The following FOXP2 variants were observed in gnomAD, a reference collection of about 807,000 sequenced individuals.
FOXP2 encodes forkhead box protein P2.
FOXP2 carries 12 observed loss-of-function variants against 115.8 expected under a neutral mutation model. That is an observed-to-expected ratio of 0.10 (90% CI 0.07 to 0.17). FOXP2 has a LOEUF of 0.17. Among genes scored for constraint, FOXP2 ranks in the 10% least tolerant of loss-of-function variants. FOXP2 has a pLI of 1.00. For synonymous variants in FOXP2, 328 were observed against 297.7 expected (o/e 1.10, Z -1.05); for missense variants, 629 against 843.5 (o/e 0.75, Z 3.15).
chr7:114,426,982 T>G (rs1354428051), intron 2 of FOXP2, among the ~76,000 whole-genome samples: 2 of 151,642 alleles, frequency 1.3e-5, no homozygotes, highest in African/African-American at 4.8e-5. Context: ...TATCTTACAT[T>G]GTGCTGCAGA....
chr7:114,617,842 T>G (rs1417195757), intron 3 of FOXP2, among the ~76,000 whole-genome samples: 1 of 152,074 alleles, frequency 6.6e-6, no homozygotes, highest in Admixed American at 6.6e-5. Context: ...ATGTTTAACT[T>G]CTAATTCTGA....
intron 2 of FOXP2, chr7:114,463,034 A>G: frequency 2.3e-6 from 1 of 431,056 alleles, no homozygotes; most frequent in Non-Finnish European, 4.6e-6. Context: ...AATTTCATTT[A>G]TTATGTTTTT....
In FOXP2 at chr7:114,357,414, A is replaced by G. The variant is rs566903376; in HGVS notation, c.-10-69088A>G. On this transcript the variant is annotated intron_variant, in intron 2 of 17. Coordinates refer to the FOXP2 transcript ENST00000634411. ...AGAATTATGCTGGGCTTCAAGGTTC[A>G]TTTGCTTTATTGGTTCAATGATGTC... Among the ~76,000 whole-genome samples, 354 of 152,192 alleles carry G rather than the reference A, an allele frequency of 2.3e-3. 2 individuals are homozygous for G. The highest frequency in any genetic ancestry group is 7.9e-3 in the African/African-American group (329 of 41,542).
In FOXP2 at chr7:114,403,131, C is replaced by T. The variant is rs142293701; in HGVS notation, c.-10-23371C>T. 3.1e-3 allele frequency among the ~76,000 whole-genome samples: 469 copies of T among 152,142 alleles called. 1 individual carries two copies. Among genetic ancestry groups the T allele is most frequent in the African/African-American group, 0.011 (453 of 41,496 alleles). On this transcript the variant is annotated intron_variant, in intron 2 of 17. Coordinates refer to the FOXP2 transcript ENST00000634411. The stretch of plus-strand genomic sequence containing the variant: ...GTAGTCTGTATATTATGTAACAGCC[C>T]CTTCATAGTCTGTATATTATGTAAC...
intron 2 of FOXP2, among the ~76,000 whole-genome samples, chr7:114,407,709 G>T (rs1296488173): frequency 6.6e-6 from 1 of 152,010 alleles, no homozygotes; most frequent in East Asian, 1.9e-4. Context: ...TTATTTCTAT[G>T]CAAATATTTG....
At chr7:114,644,544 C>A (rs1584986433) in intron 7 of FOXP2, 141 bp from the exon 8 acceptor site, 1 of 700,086 alleles carries the variant, frequency 1.4e-6, no homozygotes, top group South Asian at 1.5e-5. Flanking sequence ...TTCAATAGAA[C>A]GATTAAATTT....
At chr7:114,273,656 T>G (rs574132901) in intron 1 of FOXP2, among the ~76,000 whole-genome samples, 1 of 152,092 alleles carries the variant, frequency 6.6e-6, no homozygotes, top group Admixed American at 6.6e-5. Flanking sequence ...TATTAAGGAT[T>G]GTTGTCTTCT....
At chr7:114,482,648 C>T (rs996041603) in intron 2 of FOXP2, among the ~76,000 whole-genome samples, 1 of 151,524 alleles carries the variant, frequency 6.6e-6, no homozygotes, top group African/African-American at 2.4e-5. Flanking sequence ...TTACCTTGCT[C>T]TATGCAATGA....
At chr7:114,418,811 G>A (rs554643306) in intron 1 of FOXP2, among the ~76,000 whole-genome samples, 6 of 151,844 alleles carry the variant, frequency 4.0e-5, no homozygotes, top group African/African-American at 1.2e-4. Context: ...AGAATGATGT[G>A]GCTATTTCAA....
intron 1 of FOXP2, among the ~76,000 whole-genome samples, chr7:114,251,571 A>T (rs954026856): frequency 1.3e-5 from 2 of 152,046 alleles, no homozygotes; most frequent in African/African-American, 4.8e-5. Flanking sequence ...TGTGAGTGGG[A>T]CTTCACTCAT....
chr7:114,222,339 A>T (rs1794645894), intron 1 of FOXP2, among the ~76,000 whole-genome samples: 1 of 152,000 alleles, frequency 6.6e-6, no homozygotes, highest in South Asian at 2.1e-4. Context: ...AATTTTTTGT[A>T]GAGTTTCACC....
At chr7:114,355,119 A>T (rs1791589760) in intron 2 of FOXP2, among the ~76,000 whole-genome samples, 1 of 152,178 alleles carries the variant, frequency 6.6e-6, no homozygotes, top group African/African-American at 2.4e-5. Context: ...TGTCATGGTC[A>T]TCAGATGCAG....
At chr7:114,293,595 G>A (rs566870410) in intron 2 of FOXP2, among the ~76,000 whole-genome samples, 6 of 152,292 alleles carry the variant, frequency 3.9e-5, no homozygotes, top group Non-Finnish European at 7.4e-5. Context: ...CACTTGTTGT[G>A]GGAGGGACCA....
rs150498323 is a variant in FOXP2 at position 114,402,537 on chromosome 7, C to T, written c.-10-23965C>T. On this transcript the variant is annotated intron_variant, in intron 2 of 17. Coordinates refer to the FOXP2 transcript ENST00000634411. ...TGTTGAGGACCTACTGGGTGCTAGA[C>T]GATGTTGTCTGTGCTGGTGTAAACA... Among the ~76,000 whole-genome samples, 11 of 152,054 alleles carry T rather than the reference C, an allele frequency of 7.2e-5. No individual in the cohort carries two copies. The East Asian group carries it at 1.7e-3, about 24-fold the overall frequency.
At chr7:114,392,457 G>T (rs1315275717) in intron 2 of FOXP2, among the ~76,000 whole-genome samples, 1 of 152,174 alleles carries the variant, frequency 6.6e-6, no homozygotes, top group South Asian at 2.1e-4. Flanking sequence ...GGTTAGCTAG[G>T]TTTAAATGTC....
chr7:114,094,843 A>G (rs1196826945), intron 1 of FOXP2, among the ~76,000 whole-genome samples: 2 of 151,984 alleles, frequency 1.3e-5, no homozygotes, highest in East Asian at 3.9e-4. Context: ...AAAATTTTAT[A>G]AAGATGAGGT....
chr7:114,192,308 A>T (rs1016010491), intron 1 of FOXP2, among the ~76,000 whole-genome samples: 9 of 151,982 alleles, frequency 5.9e-5, no homozygotes, highest in African/African-American at 1.5e-4. Flanking sequence ...TTATGGTTTG[A>T]TAGATCACTT....
chr7:114,390,084 T>C (rs534492883), intron 2 of FOXP2, among the ~76,000 whole-genome samples: 1 of 147,732 alleles, frequency 6.8e-6, no homozygotes, highest in African/African-American at 2.5e-5. Context: ...CAGTGAAAGG[T>C]TTTCTGTGGT....
intron 1 of FOXP2, among the ~76,000 whole-genome samples, chr7:114,188,698 TCCCA>T (rs1205421078): frequency 6.6e-6 from 1 of 152,154 alleles, no homozygotes; most frequent in Non-Finnish European, 1.5e-5. Context: ...CAGGTGATCT[TCCCA>T]CCTCAAATAT....
Sources: allele counts gnomAD v4.1 joint callset (sites outside exome capture counted in the v4.1 genomes callset), GRCh38; gene constraint gnomAD v4.1.1; transcripts MANE v1.5; gene names NCBI Gene and HGNC (gene_info 2026-07-23, HGNC 2026-07-21).